The following ACOT7 variants were observed in gnomAD, a reference collection of about 807,000 sequenced individuals.
The protein encoded by ACOT7 is acyl-CoA thioesterase 7.
Under a neutral mutation model 40.2 loss-of-function variants are expected in ACOT7, and 12 were observed. That is an observed-to-expected ratio of 0.30 (90% confidence interval 0.19 to 0.48). The LOEUF (loss-of-function observed/expected upper bound fraction) is 0.48, where lower values mean the gene tolerates loss of function less well. ACOT7 is among the 20% of genes least tolerant of loss of function. The pLI is 0.99. For missense variants in ACOT7, 395 were observed against 530.8 expected (o/e 0.74, Z 2.51); for synonymous variants, 228 against 219.5 (o/e 1.04, Z -0.34).
chr1:6,291,109 T>C (rs1240585392), intron 7 of ACOT7, among the ~76,000 whole-genome samples: 2 of 152,026 alleles, frequency 1.3e-5, no homozygotes, highest in East Asian at 3.9e-4. Flanking sequence ...TCTACATGAG[T>C]TGAGCTTTAA....
At chr1:6,321,233 G>A (rs368734062) in intron 5 of ACOT7, among the ~76,000 whole-genome samples, 21 of 152,200 alleles carry the variant, frequency 1.4e-4, no homozygotes, top group East Asian at 3.9e-4. Flanking sequence ...CCTCCTGCTT[G>A]TCTAGGTTTG....
intron 1 of ACOT7, among the ~76,000 whole-genome samples, chr1:6,382,063 G>A (rs567998922): frequency 3.3e-5 from 5 of 151,372 alleles, no homozygotes; most frequent in South Asian, 2.1e-4. Flanking sequence ...GCATGAACCC[G>A]GGAGGCGGAG....
Position 6,353,036 on chromosome 1 carries a change from G to A in ACOT7, c.144-3170C>T, listed in dbSNP as rs971064176. Reference sequence around the variant, plus strand: ...TGGGATTACAAGCATGCACCACCACGCCTGGCTAAATTTTGTATTTTTACT... The same window carrying A: ...TGGGATTACAAGCATGCACCACCACACCTGGCTAAATTTTGTATTTTTACT... On this transcript the variant is annotated intron_variant, in intron 1 of 8. Transcript: ENST00000361521. Among the ~76,000 whole-genome samples, 6 of 152,020 alleles carry A rather than the reference G, an allele frequency of 3.9e-5. 1 individual carries two copies. The South Asian group carries it at 6.2e-4, about 16-fold the overall frequency.
Position 6,318,507 on chromosome 1 carries a change from C to T in ACOT7, c.697G>A (p.Gly233Ser), listed in dbSNP as rs754471352. The T allele has an allele frequency of 6.2e-7, 1 of 1,614,042 alleles. No homozygotes were observed. ...LVGPSDCTLH[G>S]FVHGGVTMKL... Reference sequence around the variant, plus strand: ...TCCTTCTTACCTCCGTGCACAAAGCCGTGCAGGGTGCAGTCTGAAGGCCCC... The same window carrying T: ...TCCTTCTTACCTCCGTGCACAAAGCTGTGCAGGGTGCAGTCTGAAGGCCCC... Residue 233 changes from glycine (G) to serine (S), a missense_variant, in exon 6 of 9, where the codon GGC becomes AGC. By Grantham distance (56) the Gly-to-Ser change is moderately conservative. Transcript: ENST00000361521.
rs369716031 is a variant in ACOT7, at chr1:6,282,800, T to C, written c.830-1514A>G. 319 of 1,304,260 alleles carry C rather than the reference T, an allele frequency of 2.4e-4. 1 individual carries two copies. In the African/African-American group the frequency reaches 4.0e-3, roughly 16 times the overall value. 80.8% of individuals were successfully genotyped at this position (1,304,260 alleles called of 1,614,324 possible). ...GCGCCAGCAGGCATTACGTGAGCTG[T>C]AAGGTACAGAGTCCCATGCAAAGCG... On this transcript the variant is annotated intron_variant, in intron 7 of 8. Coordinates refer to ENST00000361521, the MANE Select transcript of ACOT7 (RefSeq NM_007274.4). This position sits in a 1 kb window ranked among gnomAD's most constrained non-coding sequence, Gnocchi z 4.5.
Position 6,393,562 on chromosome 1 carries a change from A to T in ACOT7, c.-163T>A. On this transcript the variant is annotated 5_prime_UTR_variant, in exon 1 of 9. Coordinates refer to ENST00000361521, the MANE Select transcript of ACOT7 (RefSeq NM_007274.4). ...GGCTGCAGAGAGCTCGCGCGGGCGT[A>T]CGATTCTGGCGGCGTGGGGGCCCAG... 1 of 586,736 alleles carries T rather than the reference A, an allele frequency of 1.7e-6. No homozygotes were observed. Among genetic ancestry groups the T allele is most frequent in the Non-Finnish European group, 2.4e-6 (1 of 412,994 alleles). The allele number at this position is 586,736 out of a possible 1,614,324, so 36.3% of individuals were successfully genotyped here.
chr1:6,371,688 T>C lies in ACOT7; in HGVS notation c.143+21569A>G, dbSNP rs551286992. On this transcript the variant is annotated intron_variant, in intron 1 of 8. Transcript: ENST00000361521. The stretch of plus-strand genomic sequence containing the variant: ...GTCCTTGGAAGCCAGGCATTGACTT[T>C]TCCTCCCTAGCTATGAAAGTCCTAG... Among the ~76,000 whole-genome samples, 4 of 152,178 alleles carry C rather than the reference T, an allele frequency of 2.6e-5. No individual in the cohort carries two copies. The South Asian group carries it at 8.3e-4, about 32-fold the overall frequency.
At position 6,278,066 on chromosome 1, in the gene ACOT7, G is replaced by A. The variant is rs1481721836; in HGVS notation, c.1014+3036C>T. On this transcript the variant is annotated intron_variant, in intron 8 of 8. Coordinates refer to ENST00000361521, the MANE Select transcript of ACOT7 (RefSeq NM_007274.4). This position sits in a 1 kb window ranked among gnomAD's most constrained non-coding sequence, Gnocchi z 4.1. ...TGGATATGTGAGCCTGACAGTCCAC[G>A]CAGCGTCTGCAGTGGCGGGGGGTGG... is the stretch of plus-strand genomic sequence containing the variant. 4.1e-5 allele frequency among the ~76,000 whole-genome samples: 6 copies of A among 147,966 alleles called. No individual in the cohort carries two copies. The highest frequency in any genetic ancestry group is 7.5e-5 in the Non-Finnish European group (5 of 67,002).
intron 2 of ACOT7, among the ~76,000 whole-genome samples, chr1:6,349,076 C>T (rs1040250527): frequency 1.3e-5 from 2 of 152,336 alleles, no homozygotes; most frequent in Middle Eastern, 3.4e-3. Context: ...TGGCTTCCCC[C>T]CAACAGCCGC....
chr1:6,378,316 T>C (rs1571353752), intron 1 of ACOT7, among the ~76,000 whole-genome samples: 2 of 151,674 alleles, frequency 1.3e-5, no homozygotes, highest in Admixed American at 6.6e-5. Flanking sequence ...AGCGCCAGAC[T>C]GCGGCAGATG....
chr1:6,300,818 C>T (rs779501321), intron 6 of ACOT7, among the ~76,000 whole-genome samples: 24 of 152,198 alleles, frequency 1.6e-4, no homozygotes, highest in African/African-American at 5.5e-4. Flanking sequence ...GATGCGCGGC[C>T]GGTCCCTCTC....
intron 4 of ACOT7, among the ~76,000 whole-genome samples, chr1:6,328,679 C>G (rs943598043): frequency 3.3e-5 from 5 of 152,072 alleles, no homozygotes; most frequent in Admixed American, 2.0e-4. Flanking sequence ...GAGACTCCGT[C>G]TAAAAAAATA....
intron 7 of ACOT7, among the ~76,000 whole-genome samples, 182 bp from the exon 8 acceptor site, chr1:6,281,468 T>C (rs1639358587): frequency 6.6e-6 from 1 of 152,268 alleles, no homozygotes; most frequent in African/African-American, 2.4e-5. Context: ...AATGTTTATC[T>C]TTCTAGTGAG....
chr1:6,302,477 C>T (rs1303271309), intron 6 of ACOT7, among the ~76,000 whole-genome samples: 15 of 152,066 alleles, frequency 9.9e-5, no homozygotes, highest in Admixed American at 9.8e-4. Flanking sequence ...GGAGCAGAAA[C>T]CCACCCGAGA....
At chr1:6,333,638 G>A (rs983623491) in intron 3 of ACOT7, 70 bp from the exon 4 acceptor site, 6 of 1,491,744 alleles carry the variant, frequency 4.0e-6, no homozygotes, top group African/African-American at 1.4e-5. Context: ...CCAGGCACGT[G>A]GCAGGTGCTG....
rs188552359 is a variant in ACOT7 at position 6,359,158 on chromosome 1, G to A, written c.144-9292C>T. ...GAAGGCAGAGGGGCCGCTGCTGAGC[G>A]GCCTCAGGGAAGCGGCTATGAGGCT... is the stretch of plus-strand genomic sequence containing the variant. On this transcript the variant is annotated intron_variant, in intron 1 of 8. Coordinates refer to ENST00000361521, the MANE Select transcript of ACOT7 (RefSeq NM_007274.4). This position sits in a 1 kb window ranked among gnomAD's most constrained non-coding sequence, Gnocchi z 4.1. 3.6e-5 allele frequency: 10 copies of A among 274,374 alleles called. No individual in the cohort carries two copies. The highest frequency in any genetic ancestry group is 2.0e-4 in the African/African-American group (9 of 44,978). 17.0% of individuals were successfully genotyped at this position (274,374 alleles called of 1,614,324 possible). A position where few individuals can be genotyped will look rare whatever the true frequency, so the allele number is the denominator to read the frequency against.
intron 1 of ACOT7, among the ~76,000 whole-genome samples, chr1:6,368,799 G>T (rs1486301839): frequency 6.6e-6 from 1 of 152,134 alleles, no homozygotes. Context: ...GGGCACAGGG[G>T]ACCCACTGCT....
intron 1 of ACOT7, among the ~76,000 whole-genome samples, chr1:6,372,450 T>A (rs1471516216): frequency 6.6e-6 from 1 of 152,204 alleles, no homozygotes; most frequent in African/African-American, 2.4e-5. Flanking sequence ...GGACTTTTCC[T>A]TTGCATTCAC....
At chr1:6,281,069 G>C in intron 8 of ACOT7, 33 bp downstream of exon 8, 1 of 1,602,498 alleles carries the variant, frequency 6.2e-7, no homozygotes, top group Non-Finnish European at 8.5e-7. Context: ...TGCCTGGCAG[G>C]GAGGGGCCGC....
Sources: gnomAD v4.1 joint callset for allele counts (sites outside exome capture counted in the v4.1 genomes callset) on GRCh38, gnomAD v4.1.1 for gene constraint, Gnocchi (gnomAD v3.1) non-coding constraint, MANE v1.5 for transcripts, NCBI Gene and HGNC (gene_info 2026-07-23, HGNC 2026-07-21) for gene names.